RASGRF1: variants seen among roughly 807,000 people sequenced by gnomAD.
RASGRF1 encodes the protein Ras protein specific guanine nucleotide releasing factor 1.
Under a neutral mutation model 138.7 loss-of-function variants are expected in RASGRF1, and 40 were observed. The observed-to-expected ratio is 0.29, with a 90% CI of 0.22 to 0.38. RASGRF1 has a LOEUF of 0.38. Among genes scored for constraint, RASGRF1 ranks in the 10% least tolerant of loss-of-function variants. The pLI, the probability that RASGRF1 is intolerant of heterozygous loss-of-function variation, is 1.00. For missense variants in RASGRF1, 1,108 were observed against 1,650.4 expected, an observed-to-expected ratio of 0.67 and a Z score of 5.69; for synonymous variants, 614 against 663.2, an observed-to-expected ratio of 0.93 and a Z score of 1.14.
At chr15:78,982,867 T>C (rs151247516) in intron 23 of RASGRF1, among the ~76,000 whole-genome samples, 44 of 151,806 alleles carry the variant, frequency 2.9e-4, no homozygotes, top group Non-Finnish European at 5.1e-4. Flanking sequence ...AAGAGTATCA[T>C]CATCAGATCG....
At position 79,050,177 on chromosome 15, in the gene RASGRF1, G is replaced by A. The variant is rs1309928070; in HGVS notation, c.532-589C>T. Among the ~76,000 whole-genome samples the A allele has an allele frequency of 6.6e-6, 1 of 152,020 alleles. No homozygotes were observed. The highest frequency in any genetic ancestry group is 2.4e-5 in the African/African-American group (1 of 41,362). On this transcript the variant is annotated intron_variant, in intron 3 of 26. Transcript: ENST00000558480. The surrounding 1 kb of genome is among the most constrained non-coding windows in gnomAD (Gnocchi z 4.1). The stretch of plus-strand genomic sequence containing the variant: ...CCATTCCCCTTCCTCCCAGTCCCTG[G>A]CAACCACATTCCACCTTCTATGCCT...
At chr15:79,045,043 A>C (rs2057339830) in intron 5 of RASGRF1, among the ~76,000 whole-genome samples, 1 of 152,238 alleles carries the variant, frequency 6.6e-6, no homozygotes, top group African/African-American at 2.4e-5. Flanking sequence ...TGGTGGCCTA[A>C]AATGCAAAAA....
chr15:79,033,903 A>G lies in RASGRF1; in HGVS notation c.958+1228T>C, dbSNP rs915056976. Among the ~76,000 whole-genome samples, 4 of 152,328 alleles carry G rather than the reference A, an allele frequency of 2.6e-5. No homozygotes were observed. In the East Asian group the frequency reaches 7.7e-4, roughly 29 times the overall value. On this transcript the variant is annotated intron_variant, in intron 6 of 26. Transcript: ENST00000558480. ...CCGTGCTCGGCCAAAACATCTTCTT[A>G]TAAGTCCCATTTAAGAAAGGAAACA...
chr15:79,030,011 C>T (rs773669276), intron 8 of RASGRF1, among the ~76,000 whole-genome samples: 3 of 152,020 alleles, frequency 2.0e-5, no homozygotes, highest in Non-Finnish European at 4.4e-5. Context: ...GATTTGGATC[C>T]CTGGGCATGG....
chr15:78,997,363 G>A (rs758470316), intron 19 of RASGRF1, among the ~76,000 whole-genome samples: 5 of 152,202 alleles, frequency 3.3e-5, no homozygotes, highest in Admixed American at 6.5e-5. Context: ...GCCACATGTC[G>A]GGGGTGAAGC....
rs1212494686 is a variant in RASGRF1, at chr15:79,031,460, T to G, written c.1202A>C (p.His401Pro). ...TLHELLAHTP[H>P]EHVERNSLDY... ...CAGGCTGTTGCGCTCAACGTGCTCA[T>G]GAGGCGTGTGGGCCAGGAGCTCATG... Residue 401 changes from histidine (H) to proline (P), a missense_variant, in exon 8 of 27, where the codon CAT becomes CCT. This residue lies in a region of RASGRF1 where 169 missense variants were observed against 344.2 expected (regional missense o/e 0.49). Transcript: ENST00000558480. 6.2e-7 allele frequency: 1 copy of G among 1,613,550 alleles called. No homozygotes were observed. Among genetic ancestry groups the G allele is most frequent in the Non-Finnish European group, 8.5e-7 (1 of 1,179,760 alleles).
intron 26 of RASGRF1, among the ~76,000 whole-genome samples, chr15:78,965,414 C>G (rs77654237): frequency 0.013 from 1,905 of 152,300 alleles, 32 homozygotes; most frequent in African/African-American, 0.041. Context: ...TCCCCTCACT[C>G]ATTCATGGAG....
chr15:79,005,677 G>C (rs747083629), intron 14 of RASGRF1: 29 of 977,068 alleles, frequency 3.0e-5, no homozygotes, highest in Non-Finnish European at 3.5e-5. Context: ...TCATTTCTTA[G>C]AGTAGGAGGT....
chr15:79,072,196 C>T (rs1422284631), intron 1 of RASGRF1, among the ~76,000 whole-genome samples: 5 of 150,390 alleles, frequency 3.3e-5, no homozygotes, highest in Admixed American at 2.7e-4. Flanking sequence ...TTGCCAGCGA[C>T]TGCCTGAGGA....
At chr15:78,979,031 G>T in intron 24 of RASGRF1, 1 of 1,293,210 alleles carries the variant, frequency 7.7e-7, no homozygotes, top group South Asian at 1.2e-5. Context: ...GGCGGCGGCA[G>T]ACGAGGAAGC....
chr15:78,972,425 C>G (rs1252929689), intron 25 of RASGRF1, among the ~76,000 whole-genome samples: 1 of 148,066 alleles, frequency 6.8e-6, no homozygotes, highest in Non-Finnish European at 1.5e-5. Flanking sequence ...TTTTTTTAAA[C>G]AGAAATCTGC....
intron 14 of RASGRF1, chr15:79,005,723 C>T: frequency 2.4e-6 from 1 of 411,768 alleles, no homozygotes; most frequent in Non-Finnish European, 2.8e-6. Context: ...TCCTTTCTCC[C>T]TCCCTCCCTC....
chr15:78,978,574 G>T (rs534925305), intron 24 of RASGRF1: 121 of 987,610 alleles, frequency 1.2e-4, no homozygotes, highest in Non-Finnish European at 1.3e-4. Flanking sequence ...TGGGACGTAT[G>T]AATGGGCTGC....
intron 5 of RASGRF1, among the ~76,000 whole-genome samples, chr15:79,038,223 T>A (rs1175224992): frequency 1.3e-5 from 2 of 152,188 alleles, no homozygotes; most frequent in Non-Finnish European, 1.5e-5. Flanking sequence ...AGTACTGCCA[T>A]GGCAAGAGTT....
chr15:79,090,463 G>A lies in RASGRF1; in HGVS notation c.36C>T (p.Val12=), dbSNP rs752114529. ...TGCGCGCCAGCAGTCCCAGGGACGC[G>A]ACGTGGCCATCATTCAGCCGGATCC... ...QKGIRLNDGH[V]ASLGLLARKD... The change falls in exon 1 of 27, where the codon GTC becomes GTT. Residue 12 remains valine, a synonymous_variant. Transcript: ENST00000558480. The A allele has an allele frequency of 2.5e-6, 4 of 1,612,890 alleles. No individual in the cohort carries two copies. The Admixed American group carries it at 5.0e-5, about 20-fold the overall frequency.
chr15:79,058,249 G>A, intron 3 of RASGRF1, 85 bp downstream of exon 3: 3 of 1,535,220 alleles, frequency 2.0e-6, no homozygotes, highest in African/African-American at 2.7e-5. Context: ...TTCCCTGCCT[G>A]TCATGTGGCT....
rs564353411 is a variant in RASGRF1, at chr15:79,049,226, G to A, written c.624+270C>T. On this transcript the variant is annotated intron_variant, in intron 4 of 26. Transcript: ENST00000558480. ...AGTCCCAGGCCTGGGTTTCTGTCCT[G>A]GCTTTCCCCACTCCTTCCTCTTGTG... is the stretch of plus-strand genomic sequence containing the variant. Among the ~76,000 whole-genome samples, 9 of 152,156 alleles carry A rather than the reference G, an allele frequency of 5.9e-5. 1 individual carries two copies. The highest frequency in any genetic ancestry group is 2.2e-4 in the African/African-American group (9 of 41,510).
chr15:79,003,074 C>T (rs2056573911), intron 15 of RASGRF1, among the ~76,000 whole-genome samples: 1 of 152,186 alleles, frequency 6.6e-6, no homozygotes, highest in South Asian at 2.1e-4. Context: ...AGTAGGGAGG[C>T]TCCAGCCTGT....
rs758415767 is a variant in RASGRF1 at position 79,072,267 on chromosome 15, C to CTTTTTTTTTTTTTTTTTTTTTTTTTTTT, written c.277-7742_277-7741insAAAAAAAAAAAAAAAAAAAAAAAAAAAA. Among the ~76,000 whole-genome samples the CTTTTTTTTTTTTTTTTTTTTTTTTTTTT allele has an allele frequency of 3.1e-4, 19 of 61,586 alleles. 5 individuals carry two copies. Among genetic ancestry groups the CTTTTTTTTTTTTTTTTTTTTTTTTTTTT allele is most frequent in the Non-Finnish European group, 5.2e-4 (17 of 32,844 alleles). 40.4% of individuals were successfully genotyped at this position (61,586 alleles called of 152,430 possible). The stretch of plus-strand genomic sequence containing the variant: ...TTTCTGGGAGTTCTTGATAAACAAT[C>CTTTTTTTTTTTTTTTTTTTTTTTTTTTT]TTTTTTTTTTTTTTTTTTTTTTTTT... On this transcript the variant is annotated intron_variant, in intron 1 of 26. Coordinates refer to ENST00000558480, the MANE Select transcript of RASGRF1 (RefSeq NM_001145648.3).
Sources: allele counts gnomAD v4.1 joint callset (sites outside exome capture counted in the v4.1 genomes callset), GRCh38; gene constraint gnomAD v4.1.1; regional missense constraint gnomAD v4.1.1; non-coding constraint Gnocchi (gnomAD v3.1); transcripts MANE v1.5; gene names NCBI Gene and HGNC (gene_info 2026-07-23, HGNC 2026-07-21).